The following RAB28 variants were observed in gnomAD, a reference collection of about 807,000 sequenced individuals.
The protein encoded by RAB28 is ras-related protein Rab-28.
RAB28 carries 24 observed loss-of-function variants against 31.7 expected under a neutral mutation model. The ratio of observed to expected loss-of-function variants is 0.76; its 90% CI spans 0.55 to 1.06. The LOEUF is 1.06. Among genes scored for constraint, RAB28 ranks in the 50% least tolerant of loss-of-function variants. The pLI is 0.00. For missense variants in RAB28, 254 were observed against 258.5 expected, an observed-to-expected ratio of 0.98 and a Z score of 0.12; for synonymous variants, 100 against 90.4, an observed-to-expected ratio of 1.11 and a Z score of -0.60.
At chr4:13,381,444 G>GT (rs775481001) in intron 5 of RAB28, 47 bp downstream of exon 5, 1 of 1,350,526 alleles carries the variant, frequency 7.4e-7, no homozygotes, top group East Asian at 2.3e-5. Context: ...AGGAATGTTA[G>GT]TAAATAAAAG....
At chr4:13,460,912 T>C (rs1715558909) in intron 3 of RAB28, 84 bp from the exon 4 acceptor site, 3 of 1,299,102 alleles carry the variant, frequency 2.3e-6, no homozygotes, top group South Asian at 2.7e-5. Flanking sequence ...GCTTCAGATA[T>C]GTCAAAATGG....
chr4:13,416,474 A>T (rs534136311), intron 4 of RAB28, among the ~76,000 whole-genome samples: 2 of 152,308 alleles, frequency 1.3e-5, no homozygotes, highest in Admixed American at 6.5e-5. Context: ...GAACCCACCA[A>T]TTCCGGACAC....
chr4:13,375,177 G>C (rs1728870044), intron 6 of RAB28, among the ~76,000 whole-genome samples: 1 of 152,144 alleles, frequency 6.6e-6, no homozygotes, highest in South Asian at 2.1e-4. Flanking sequence ...TTAATGGTTA[G>C]TGATCAAGTT....
At chr4:13,444,069 C>G (rs938723966) in intron 4 of RAB28, among the ~76,000 whole-genome samples, 3 of 151,256 alleles carry the variant, frequency 2.0e-5, no homozygotes, top group Admixed American at 6.6e-5. Context: ...GCTGTGTCAC[C>G]CAGGCTGGAG....
At chr4:13,471,848 G>A (rs906839456) in intron 3 of RAB28, among the ~76,000 whole-genome samples, 2 of 150,508 alleles carry the variant, frequency 1.3e-5, no homozygotes, top group Admixed American at 6.6e-5. Context: ...ACCACCAAAA[G>A]AGAAAGAAGT....
intron 6 of RAB28, chr4:13,369,868 T>C (rs769435864): frequency 1.0e-4 from 163 of 1,604,810 alleles, no homozygotes; most frequent in Non-Finnish European, 1.4e-4. Flanking sequence ...TATCACTTAA[T>C]ACCTGCACTA....
chr4:13,417,254 C>T (rs1275368856), intron 4 of RAB28, among the ~76,000 whole-genome samples: 1 of 152,210 alleles, frequency 6.6e-6, no homozygotes, highest in Non-Finnish European at 1.5e-5. Context: ...TGGGTGAAGC[C>T]TACCACAGCT....
chr4:13,431,603 G>A (rs1713809261), intron 4 of RAB28, among the ~76,000 whole-genome samples: 2 of 152,058 alleles, frequency 1.3e-5, no homozygotes, highest in South Asian at 4.1e-4. Context: ...GAGACAGTGT[G>A]TCAGCCCTTA....
intron 4 of RAB28, among the ~76,000 whole-genome samples, chr4:13,424,077 T>A (rs1713336712): frequency 1.3e-5 from 2 of 152,232 alleles, no homozygotes; most frequent in South Asian, 4.1e-4. Flanking sequence ...CAAGGAAGCT[T>A]ACTATTATGT....
intron 4 of RAB28, among the ~76,000 whole-genome samples, chr4:13,401,923 C>G (rs1711787508): frequency 6.6e-6 from 1 of 152,210 alleles, no homozygotes; most frequent in Non-Finnish European, 1.5e-5. Context: ...ACATATTTCT[C>G]TAAACACTGC....
intron 4 of RAB28, among the ~76,000 whole-genome samples, chr4:13,436,261 G>C (rs1396770077): frequency 6.6e-6 from 1 of 151,956 alleles, no homozygotes; most frequent in Non-Finnish European, 1.5e-5. Context: ...CACTAAACAG[G>C]CAAAACTGGA....
intron 4 of RAB28, among the ~76,000 whole-genome samples, chr4:13,395,340 C>A (rs1444005367): frequency 6.6e-6 from 1 of 152,020 alleles, no homozygotes; most frequent in Non-Finnish European, 1.5e-5. Context: ...TTAAAAAGAA[C>A]TTGCAGCTGT....
At chr4:13,477,795 C>T (rs568164848) in intron 2 of RAB28, among the ~76,000 whole-genome samples, 3 of 151,356 alleles carry the variant, frequency 2.0e-5, no homozygotes, top group South Asian at 4.1e-4. Flanking sequence ...CTATAAATCT[C>T]GATTTCAAGA....
At chr4:13,476,352 C>T (rs1437850478) in intron 2 of RAB28, among the ~76,000 whole-genome samples, 1 of 151,306 alleles carries the variant, frequency 6.6e-6, no homozygotes, top group African/African-American at 2.4e-5. Context: ...CTAAATAAAC[C>T]CTGTTATCAG....
intron 4 of RAB28, among the ~76,000 whole-genome samples, chr4:13,439,876 G>A (rs766885203): frequency 2.2e-4 from 33 of 151,996 alleles, no homozygotes; most frequent in African/African-American, 5.6e-4. Flanking sequence ...AACTATATAC[G>A]TACAATTCCC....
chr4:13,437,253 T>C (rs1714174782), intron 4 of RAB28, among the ~76,000 whole-genome samples: 2 of 152,178 alleles, frequency 1.3e-5, no homozygotes, highest in African/African-American at 4.8e-5. Context: ...CCTCAAACTA[T>C]AAAAATCCTA....
At chr4:13,434,668 T>A (rs1261772210) in intron 4 of RAB28, among the ~76,000 whole-genome samples, 3 of 151,764 alleles carry the variant, frequency 2.0e-5, no homozygotes, top group African/African-American at 7.3e-5. Context: ...TCTCAAAAAA[T>A]TCAAAAAAAT....
At chr4:13,427,520 A>G (rs1285162702) in intron 4 of RAB28, among the ~76,000 whole-genome samples, 2 of 152,230 alleles carry the variant, frequency 1.3e-5, no homozygotes, top group Non-Finnish European at 2.9e-5. Context: ...GAGGAAGCCA[A>G]GGTAACAATT....
intron 4 of RAB28, among the ~76,000 whole-genome samples, chr4:13,424,425 G>A (rs1315560030): frequency 6.6e-6 from 1 of 152,070 alleles, no homozygotes; most frequent in Admixed American, 6.5e-5. Flanking sequence ...GTGTGTCTGG[G>A]TCTCAGCCAA....
Sources: gnomAD v4.1 joint callset for allele counts (sites outside exome capture counted in the v4.1 genomes callset) on GRCh38, gnomAD v4.1.1 for gene constraint, MANE v1.5 for transcripts, NCBI Gene and HGNC (gene_info 2026-07-23, HGNC 2026-07-21) for gene names.